Variants in APBB2 observed in about 807,000 individuals in gnomAD.
APBB2 encodes Fe65-like 1.
In APBB2, 38 loss-of-function variants were observed where a neutral mutation model predicts 82.5. That is an observed-to-expected ratio of 0.46 (90% CI 0.36 to 0.60). The LOEUF (loss-of-function observed/expected upper bound fraction) is 0.60. APBB2 is among the 20% of genes least tolerant of loss of function. The pLI, the probability that APBB2 is intolerant of heterozygous loss-of-function variation, is 0.00. For synonymous variants in APBB2, 341 were observed against 368.2 expected (o/e 0.93, Z 0.85); for missense variants, 772 against 972.3 (o/e 0.79, Z 2.74).
At chr4:40,952,368 G>C (rs191678561) in intron 6 of APBB2, among the ~76,000 whole-genome samples, 1 of 152,012 alleles carries the variant, frequency 6.6e-6, no homozygotes, top group Non-Finnish European at 1.5e-5. Context: ...GTATGCCCCT[G>C]GCTGGTGACG....
At chr4:40,844,476 T>G (rs1756925195) in intron 12 of APBB2, among the ~76,000 whole-genome samples, 2 of 152,212 alleles carry the variant, frequency 1.3e-5, no homozygotes, top group South Asian at 4.1e-4. Context: ...TCTCTTCGGC[T>G]GGGTTGTGCT....
intron 10 of APBB2, among the ~76,000 whole-genome samples, chr4:40,924,509 C>T (rs1782120883): frequency 1.3e-5 from 2 of 152,204 alleles, no homozygotes; most frequent in East Asian, 1.9e-4. Flanking sequence ...CCTTTCCTCA[C>T]CTGGTGGCTT....
chr4:40,987,737 G>A (rs115404631), intron 6 of APBB2, among the ~76,000 whole-genome samples: 54 of 152,268 alleles, frequency 3.5e-4, no homozygotes, highest in African/African-American at 1.3e-3. Context: ...GTTTGTGAGT[G>A]CCCTGTTTCT....
chr4:40,877,151 G>A (rs374751088), intron 12 of APBB2, among the ~76,000 whole-genome samples: 3 of 152,216 alleles, frequency 2.0e-5, no homozygotes, highest in Admixed American at 1.3e-4. Context: ...TGCAGAACAC[G>A]GGAGAATAAA....
intron 16 of APBB2, among the ~76,000 whole-genome samples, chr4:40,822,677 T>C (rs1449079866): frequency 6.6e-6 from 1 of 152,212 alleles, no homozygotes; most frequent in Non-Finnish European, 1.5e-5. Flanking sequence ...GCAAGAACCA[T>C]ATGCAAGTTT....
intron 1 of APBB2, among the ~76,000 whole-genome samples, chr4:41,165,811 G>A (rs887491498): frequency 4.0e-5 from 6 of 151,192 alleles, no homozygotes; most frequent in East Asian, 1.9e-4. Flanking sequence ...GCAAGTACAC[G>A]AACCCCTCCA....
At chr4:40,821,496 A>G (rs62303775) in intron 17 of APBB2, among the ~76,000 whole-genome samples, 46,796 of 152,146 alleles carry the variant, frequency 0.31, 7,345 homozygotes, top group Non-Finnish European at 0.33. Flanking sequence ...GAAACCAATC[A>G]CTGGAAACAA....
At chr4:40,844,294 C>A (rs922218693) in intron 12 of APBB2, among the ~76,000 whole-genome samples, 8 of 152,188 alleles carry the variant, frequency 5.3e-5, no homozygotes, top group African/African-American at 1.9e-4. Context: ...AAACCTGTTT[C>A]CTCATCATTG....
At chr4:41,155,179 A>G (rs986884739) in intron 1 of APBB2, among the ~76,000 whole-genome samples, 18 of 152,270 alleles carry the variant, frequency 1.2e-4, no homozygotes, top group African/African-American at 4.3e-4. Flanking sequence ...TGTTTCAATA[A>G]AAGTCTAATG....
intron 5 of APBB2, among the ~76,000 whole-genome samples, chr4:41,029,101 G>C (rs888213800): frequency 1.3e-5 from 2 of 152,178 alleles, no homozygotes; most frequent in Non-Finnish European, 2.9e-5. Flanking sequence ...TTTGCCCCAT[G>C]CTTGAATGAA....
chr4:41,102,950 G>C (rs1436406747), intron 2 of APBB2, among the ~76,000 whole-genome samples: 1 of 152,116 alleles, frequency 6.6e-6, no homozygotes, highest in Non-Finnish European at 1.5e-5. Flanking sequence ...CCTAAGCACT[G>C]TGAGTTTTAC....
At chr4:40,972,440 A>T (rs1796174276) in intron 6 of APBB2, among the ~76,000 whole-genome samples, 1 of 82,616 alleles carries the variant, frequency 1.2e-5, no homozygotes, top group Non-Finnish European at 2.9e-5. Context: ...AAAAAAAAAA[A>T]ATAATAATAA....
At chr4:41,071,953 A>G (rs1560675279) in intron 3 of APBB2, among the ~76,000 whole-genome samples, 1 of 152,198 alleles carries the variant, frequency 6.6e-6, no homozygotes, top group Admixed American at 6.5e-5. Context: ...AAGGAAAAGG[A>G]GTGGCAGCAG....
At chr4:40,910,061 T>C (rs1778124402) in intron 10 of APBB2, among the ~76,000 whole-genome samples, 1 of 151,872 alleles carries the variant, frequency 6.6e-6, no homozygotes, top group South Asian at 2.1e-4. Flanking sequence ...CAAGTGATGG[T>C]CTCCTGCCGC....
At chr4:41,100,580 G>A (rs1057475411) in intron 3 of APBB2, 59 bp downstream of exon 3, 1 of 152,016 alleles carries the variant, frequency 6.6e-6, no homozygotes, top group Admixed American at 6.6e-5. Flanking sequence ...TGGATCTATT[G>A]TTAACTTTCT....
intron 2 of APBB2, among the ~76,000 whole-genome samples, chr4:41,115,954 C>G (rs753939902): frequency 6.6e-6 from 1 of 152,178 alleles, no homozygotes; most frequent in Non-Finnish European, 1.5e-5. Context: ...ACCCAGCAAC[C>G]CCATTACTGG....
intron 13 of APBB2, 82 bp from the exon 14 acceptor site, chr4:40,827,301 T>TTGAC: frequency 2.5e-6 from 3 of 1,182,000 alleles, no homozygotes; most frequent in Non-Finnish European, 3.8e-6. Flanking sequence ...AGTGTCTAGG[T>TTGAC]TGACTTCACT....
At chr4:40,940,914 G>A (rs752667147) in intron 7 of APBB2, among the ~76,000 whole-genome samples, 1 of 152,192 alleles carries the variant, frequency 6.6e-6, no homozygotes, top group Non-Finnish European at 1.5e-5. Context: ...TGGTTTGGGC[G>A]GGGAGGAGCA....
intron 12 of APBB2, among the ~76,000 whole-genome samples, chr4:40,853,208 T>A (rs1475600207): frequency 6.6e-6 from 1 of 152,142 alleles, no homozygotes; most frequent in East Asian, 1.9e-4. Flanking sequence ...GGACTAGGGC[T>A]AGCCAACTGG....
Sources: gnomAD v4.1 joint callset for allele counts (sites outside exome capture counted in the v4.1 genomes callset) on GRCh38, gnomAD v4.1.1 for gene constraint, MANE v1.5 for transcripts, NCBI Gene and HGNC (gene_info 2026-07-23, HGNC 2026-07-21) for gene names.